Variants in CACUL1 observed in about 807,000 individuals in gnomAD.
The protein encoded by CACUL1 is CDK2-associated and cullin domain-containing protein 1.
In CACUL1, 13 loss-of-function variants were observed where a neutral mutation model predicts 45.2. That is an observed-to-expected ratio of 0.29 (90% CI 0.19 to 0.46). The LOEUF is 0.46. Ranked by LOEUF, CACUL1 falls within the 20% of genes least tolerant of loss-of-function variation. CACUL1 has a pLI of 1.00. For missense variants in CACUL1, 421 were observed against 471.4 expected (o/e 0.89, Z 0.99); for synonymous variants, 197 against 174.2 (o/e 1.13, Z -1.03).
Position 118,681,121 on chromosome 10 carries a change from T to A in CACUL1, c.*5007A>T, listed in dbSNP as rs745798735. On this transcript the variant is annotated 3_prime_UTR_variant, in exon 9 of 9. Transcript: ENST00000369151. ...TCAGTGGCTTTGTATCCCAGGTCAA[T>A]AGGAGTTTCATCCGCCATTTTGTTT... 6.6e-6 allele frequency: 1 copy of A among 152,224 alleles called. No homozygotes were observed. The highest frequency in any genetic ancestry group is 2.4e-5 in the African/African-American group (1 of 41,458). The allele number at this position is 152,224 out of a possible 1,614,324, so 9.4% of individuals were successfully genotyped here. A position where few individuals can be genotyped will look rare whatever the true frequency, so the allele number is the denominator to read the frequency against.
At chr10:118,716,900 C>T (rs143557323) in intron 3 of CACUL1, among the ~76,000 whole-genome samples, 1 of 152,328 alleles carries the variant, frequency 6.6e-6, no homozygotes, top group African/African-American at 2.4e-5. Context: ...ACGAGCCCAG[C>T]GCACTATCTT....
At chr10:118,713,184 C>T (rs529517097) in intron 3 of CACUL1, among the ~76,000 whole-genome samples, 8 of 152,356 alleles carry the variant, frequency 5.3e-5, no homozygotes, top group African/African-American at 1.9e-4. Flanking sequence ...GCACAGCTGG[C>T]CAGGCTGCGA....
At position 118,702,279 on chromosome 10, in the gene CACUL1, C is replaced by A. The variant is rs550047583; in HGVS notation, c.694-871G>T. Reference sequence around the variant, plus strand: ...TCTTTTCGGATTCAGCCCACCTGCACCCAGGTGATTAAAAAGCTTTATTGC... The same window carrying A: ...TCTTTTCGGATTCAGCCCACCTGCAACCAGGTGATTAAAAAGCTTTATTGC... On this transcript the variant is annotated intron_variant, in intron 4 of 8. Transcript: ENST00000369151. Among the ~76,000 whole-genome samples, 7 of 152,288 alleles carry A rather than the reference C, an allele frequency of 4.6e-5. No homozygotes were observed. In the East Asian group the frequency reaches 7.7e-4, roughly 17 times the overall value.
rs565166330 is a variant in CACUL1, at chr10:118,679,798, C to A, written c.*6330G>T. On this transcript the variant is annotated 3_prime_UTR_variant, in exon 9 of 9. Coordinates refer to ENST00000369151, the MANE Select transcript of CACUL1 (RefSeq NM_153810.5). ...CCTCCCAAAGGGCTGGGATTACAGGCGTGAGCCACCATGCTCGGCCCTAAT... is the reference window on the plus strand; with the variant it reads ...CCTCCCAAAGGGCTGGGATTACAGGAGTGAGCCACCATGCTCGGCCCTAAT... 6.6e-6 allele frequency: 1 copy of A among 152,088 alleles called. No individual in the cohort carries two copies. Among genetic ancestry groups the A allele is most frequent in the South Asian group, 2.1e-4 (1 of 4,812 alleles). The allele number at this position is 152,088 out of a possible 1,614,324, so 9.4% of individuals were successfully genotyped here. A position where few individuals can be genotyped will look rare whatever the true frequency, so the allele number is the denominator to read the frequency against.
chr10:118,691,000 G>A (rs879766277), intron 7 of CACUL1, among the ~76,000 whole-genome samples: 6 of 152,208 alleles, frequency 3.9e-5, no homozygotes, highest in Non-Finnish European at 8.8e-5. Flanking sequence ...GTGGTAAGCC[G>A]AGATTGTGCC....
intron 3 of CACUL1, 111 bp from the exon 4 acceptor site, chr10:118,707,698 T>G: frequency 2.7e-6 from 1 of 368,238 alleles, no homozygotes; most frequent in Non-Finnish European, 4.5e-6. Flanking sequence ...GATTCACAAT[T>G]AACAAAAAAA....
rs1845309539 is a variant in CACUL1, at chr10:118,695,059, CA to C, written c.886+81del. 4.6e-6 allele frequency: 4 copies of C among 861,312 alleles called. No homozygotes were observed. In the Admixed American group the frequency reaches 7.4e-5, roughly 16 times the overall value. 53.4% of individuals were successfully genotyped at this position (861,312 alleles called of 1,614,324 possible). A position where few individuals can be genotyped will look rare whatever the true frequency, so the allele number is the denominator to read the frequency against. ...CAAATCCAAGTACCATTAAGCCTCACAAAACACATACAGAACCACTGCCCTC... is the reference window on the plus strand; with the variant it reads ...CAAATCCAAGTACCATTAAGCCTCACAAACACATACAGAACCACTGCCCTC... On this transcript the variant is annotated intron_variant, in intron 6 of 8. Coordinates refer to ENST00000369151, the MANE Select transcript of CACUL1 (RefSeq NM_153810.5).
rs1177333158 is a variant in CACUL1 at position 118,681,920 on chromosome 10, CTG to C, written c.*4206_*4207del. The stretch of plus-strand genomic sequence containing the variant: ...TTTCTCATATTCTTGTGGCCAGAAA[CTG>C]GGGTGAACTTCAGTGGGGTAATGAA... On this transcript the variant is annotated 3_prime_UTR_variant, in exon 9 of 9. Coordinates refer to ENST00000369151, the MANE Select transcript of CACUL1 (RefSeq NM_153810.5). The C allele has an allele frequency of 6.6e-6, 1 of 152,192 alleles. No homozygotes were observed. Among genetic ancestry groups the C allele is most frequent in the Non-Finnish European group, 1.5e-5 (1 of 68,046 alleles). 9.4% of individuals were successfully genotyped at this position (152,192 alleles called of 1,614,324 possible). A position where few individuals can be genotyped will look rare whatever the true frequency, so the allele number is the denominator to read the frequency against.
rs546843169 is a variant in CACUL1, at chr10:118,750,046, G to A, written c.367+4350C>T. 2.6e-4 allele frequency among the ~76,000 whole-genome samples: 39 copies of A among 152,316 alleles called. 2 individuals carry two copies. In the South Asian group the frequency reaches 6.0e-3, roughly 23 times the overall value. ...AAGACTTTAAAAATAAGAAAGGAGG[G>A]CCGGGCGTGGTGGCTCACGCCTGTA... On this transcript the variant is annotated intron_variant, in intron 1 of 8. Coordinates refer to ENST00000369151, the MANE Select transcript of CACUL1 (RefSeq NM_153810.5).
intron 1 of CACUL1, among the ~76,000 whole-genome samples, chr10:118,739,459 T>C (rs1336889215): frequency 2.6e-5 from 4 of 152,208 alleles, no homozygotes; most frequent in Admixed American, 6.5e-5. Flanking sequence ...CATTTTAATA[T>C]GCGTGCTTAA....
At chr10:118,707,403 A>C (rs1464164468) in intron 4 of CACUL1, 89 bp downstream of exon 4, 4 of 581,930 alleles carry the variant, frequency 6.9e-6, no homozygotes, top group African/African-American at 1.9e-5. Context: ...TAGTAAAAGA[A>C]AAACAGAATA....
chr10:118,730,180 C>T, intron 2 of CACUL1, 104 bp downstream of exon 2: 1 of 1,210,234 alleles, frequency 8.3e-7, no homozygotes, highest in Non-Finnish European at 1.2e-6. Flanking sequence ...CTTACAGAGC[C>T]TCATCTTATG....
At chr10:118,714,898 A>ACC (rs1006612633) in intron 3 of CACUL1, among the ~76,000 whole-genome samples, 1 of 151,988 alleles carries the variant, frequency 6.6e-6, no homozygotes, top group Non-Finnish European at 1.5e-5. Flanking sequence ...TTACTTACAG[A>ACC]CCCCCCTGAA....
At chr10:118,737,887 C>G (rs1368476976) in intron 1 of CACUL1, among the ~76,000 whole-genome samples, 1 of 152,220 alleles carries the variant, frequency 6.6e-6, no homozygotes, top group Non-Finnish European at 1.5e-5. Flanking sequence ...TCCATTTTAG[C>G]TCCAACTCCA....
intron 1 of CACUL1, among the ~76,000 whole-genome samples, chr10:118,734,010 T>C (rs1412514383): frequency 6.6e-6 from 1 of 152,126 alleles, no homozygotes; most frequent in Non-Finnish European, 1.5e-5. Flanking sequence ...AGCAAGACTG[T>C]CTCAAAAACA....
In CACUL1 at chr10:118,684,645, C is replaced by T. The variant is rs1012500654; in HGVS notation, c.*1483G>A. On this transcript the variant is annotated 3_prime_UTR_variant, in exon 9 of 9. Transcript: ENST00000369151. ...AGGACTTCAATTATTGGGTGACTTA[C>T]TTGCTCCCAATATCCCACTTCTAAC... is the stretch of plus-strand genomic sequence containing the variant. The T allele has an allele frequency of 2.0e-5, 3 of 152,180 alleles. No homozygotes were observed. The highest frequency in any genetic ancestry group is 4.4e-5 in the Non-Finnish European group (3 of 68,044). 9.4% of individuals were successfully genotyped at this position (152,180 alleles called of 1,614,324 possible).
intron 3 of CACUL1, among the ~76,000 whole-genome samples, chr10:118,722,294 G>A (rs1004400027): frequency 6.6e-6 from 1 of 151,794 alleles, no homozygotes; most frequent in Admixed American, 6.6e-5. Flanking sequence ...CTCCATGTTG[G>A]TCAGGCTGGT....
In CACUL1 at chr10:118,754,609, G is replaced by A; in HGVS notation, c.154C>T (p.Pro52Ser). 6.2e-7 allele frequency: 1 copy of A among 1,608,566 alleles called. No individual in the cohort carries two copies. Among genetic ancestry groups the A allele is most frequent in the Non-Finnish European group, 8.5e-7 (1 of 1,177,628 alleles). ...ACCGCCAGCAGCTGCCCCCCCGGAG[G>A]CTCTCGGGCAGGGGCCGGGATCGAC... is the stretch of plus-strand genomic sequence containing the variant. ...PSSIPAPARE[P>S]PGGQLLAVPA... is the part of the protein sequence containing the mutation. The change falls in exon 1 of 9, where the codon CCT (proline) becomes TCT (serine). Residue 52 changes from proline (P) to serine (S), a missense_variant. Pro to Ser is a moderately conservative substitution (Grantham distance 74). This residue lies in a region of CACUL1 where 213 missense variants were observed against 173.1 expected (regional missense o/e 1.23). Coordinates refer to ENST00000369151, the MANE Select transcript of CACUL1 (RefSeq NM_153810.5).
intron 3 of CACUL1, among the ~76,000 whole-genome samples, chr10:118,717,662 CAT>C (rs1190864919): frequency 6.6e-6 from 1 of 152,122 alleles, no homozygotes; most frequent in Admixed American, 6.5e-5. Flanking sequence ...TGATGGTAGT[CAT>C]AAAAGCAGAT....
Sources: gnomAD v4.1 joint callset for allele counts (sites outside exome capture counted in the v4.1 genomes callset) on GRCh38, gnomAD v4.1.1 for gene constraint, gnomAD v4.1.1 regional missense constraint, MANE v1.5 for transcripts, NCBI Gene and HGNC (gene_info 2026-07-23, HGNC 2026-07-21) for gene names.